Variants in ARHGAP44 observed in about 807,000 individuals in gnomAD.
ARHGAP44 encodes Rho GTPase activating protein 44.
ARHGAP44 carries 43 observed loss-of-function variants against 106.8 expected under a neutral mutation model. The ratio of observed to expected loss-of-function variants is 0.40; its 90% CI spans 0.32 to 0.52. ARHGAP44 has a LOEUF of 0.52. Among genes scored for constraint, ARHGAP44 ranks in the 20% least tolerant of loss-of-function variants. The probability of loss-of-function intolerance (pLI) is 0.48; values close to 1 mark genes in which losing one functional copy is unlikely to be tolerated. For missense variants in ARHGAP44, 866 were observed against 1,050.5 expected (o/e 0.82, Z 2.43); for synonymous variants, 439 against 410.3 (o/e 1.07, Z -0.85).
chr17:12,849,966 A>C (rs1434370183), intron 1 of ARHGAP44, among the ~76,000 whole-genome samples: 1 of 152,146 alleles, frequency 6.6e-6, no homozygotes, highest in African/African-American at 2.4e-5. Context: ...AGACCGAAAA[A>C]TAGCCCATAA....
At chr17:12,859,506 A>G (rs1417625876) in intron 1 of ARHGAP44, among the ~76,000 whole-genome samples, 1 of 152,086 alleles carries the variant, frequency 6.6e-6, no homozygotes, top group African/African-American at 2.4e-5. Flanking sequence ...ATCACTTAAG[A>G]TTTCGAGTTT....
At chr17:12,968,113 A>G (rs17551264) in intron 16 of ARHGAP44, among the ~76,000 whole-genome samples, 12,233 of 152,268 alleles carry the variant, frequency 0.08, 652 homozygotes, top group Admixed American at 0.12. Flanking sequence ...TAGTACAGGA[A>G]CCAGATTTTT....
intron 1 of ARHGAP44, among the ~76,000 whole-genome samples, chr17:12,816,907 T>C (rs147043156): frequency 1.4e-3 from 211 of 152,306 alleles, no homozygotes; most frequent in Middle Eastern, 6.8e-3. Flanking sequence ...GTAAACCAAC[T>C]GGATCTAATT....
chr17:12,790,186 C>G (rs1298128091), intron 1 of ARHGAP44: 2 of 405,336 alleles, frequency 4.9e-6, no homozygotes, highest in Non-Finnish European at 8.8e-6. Flanking sequence ...CCTGCCTTTC[C>G]CCGGGACTCC....
At chr17:12,909,026 C>G in intron 4 of ARHGAP44, 53 bp downstream of exon 4, 1 of 1,455,914 alleles carries the variant, frequency 6.9e-7, no homozygotes, top group South Asian at 1.3e-5. Context: ...AGTCCCCATC[C>G]GTGAAAAGGG....
At chr17:12,910,750 G>T (rs1307373193) in intron 4 of ARHGAP44, among the ~76,000 whole-genome samples, 1 of 151,934 alleles carries the variant, frequency 6.6e-6, no homozygotes, top group Non-Finnish European at 1.5e-5. Context: ...TTTTAACAAA[G>T]AATGATATTT....
At position 12,934,049 on chromosome 17, in the gene ARHGAP44, G is replaced by A. The variant is rs543534334; in HGVS notation, c.582+5003G>A. 7.9e-5 allele frequency among the ~76,000 whole-genome samples: 12 copies of A among 151,850 alleles called. No individual in the cohort carries two copies. The East Asian group carries it at 1.2e-3, about 15-fold the overall frequency. On this transcript the variant is annotated intron_variant, in intron 7 of 20. Transcript: ENST00000379672. ...TTTTTAGTAGAGACAGGGTTTCACCGTGTTAGCCAGGATGGTGTCGATCTC... is the reference window on the plus strand; with the variant it reads ...TTTTTAGTAGAGACAGGGTTTCACCATGTTAGCCAGGATGGTGTCGATCTC...
chr17:12,929,286 G>T, intron 7 of ARHGAP44: 1 of 375,600 alleles, frequency 2.7e-6, no homozygotes, highest in Non-Finnish European at 5.0e-6. Context: ...TGCATGCTAG[G>T]CAAAGAGGAA....
intron 20 of ARHGAP44, among the ~76,000 whole-genome samples, chr17:12,989,771 G>A (rs2040068594): frequency 6.6e-6 from 1 of 152,162 alleles, no homozygotes; most frequent in African/African-American, 2.4e-5. Flanking sequence ...GCTTGGCAGG[G>A]GAGTGCTGTT....
intron 1 of ARHGAP44, among the ~76,000 whole-genome samples, chr17:12,851,902 T>A (rs1051321555): frequency 6.6e-6 from 1 of 151,840 alleles, no homozygotes; most frequent in African/African-American, 2.4e-5. Flanking sequence ...ATATAATCGT[T>A]TGGTGGAATG....
intron 17 of ARHGAP44, chr17:12,973,610 G>T (rs1417854598): frequency 1.7e-5 from 9 of 528,362 alleles, no homozygotes; most frequent in African/African-American, 9.7e-5. Flanking sequence ...CAAAAAGAAG[G>T]ATTCATATTT....
chr17:12,841,594 T>TCTCTCTCTCTCTCTCTCTCACACA (rs1417307080), intron 1 of ARHGAP44, among the ~76,000 whole-genome samples: 1 of 126,516 alleles, frequency 7.9e-6, no homozygotes, highest in African/African-American at 3.5e-5. Flanking sequence ...TGTCTCTCTC[T>TCTCTCTCTCTCTCTCTCTCACACA]CACACACACA....
chr17:12,866,756 C>T (rs2036249696), intron 1 of ARHGAP44, among the ~76,000 whole-genome samples: 1 of 152,070 alleles, frequency 6.6e-6, no homozygotes, highest in African/African-American at 2.4e-5. Context: ...TTTTAGTCTT[C>T]TAGGAGCTGT....
At chr17:12,990,003 C>A in intron 20 of ARHGAP44, 29 bp from the exon 21 acceptor site, 1 of 1,591,200 alleles carries the variant, frequency 6.3e-7, no homozygotes, top group South Asian at 1.1e-5. Context: ...AGCCTCCTTT[C>A]AACCACCTCT....
intron 7 of ARHGAP44, among the ~76,000 whole-genome samples, chr17:12,932,889 C>G (rs1335771523): frequency 6.6e-6 from 1 of 152,126 alleles, no homozygotes; most frequent in Non-Finnish European, 1.5e-5. Flanking sequence ...CTAATGATTT[C>G]ATAGCAAATA....
intron 1 of ARHGAP44, among the ~76,000 whole-genome samples, chr17:12,832,760 G>T (rs1192005790): frequency 6.6e-6 from 1 of 152,186 alleles, no homozygotes; most frequent in Non-Finnish European, 1.5e-5. Flanking sequence ...TGCAAAGTCA[G>T]TTTCAAAAGG....
intron 1 of ARHGAP44, among the ~76,000 whole-genome samples, chr17:12,865,975 A>G (rs2150873875): frequency 6.6e-6 from 1 of 152,280 alleles, no homozygotes; most frequent in Admixed American, 6.5e-5. Context: ...TTACTTAATG[A>G]CAAAGACAAA....
chr17:12,815,129 A>G (rs1253966983), intron 1 of ARHGAP44, among the ~76,000 whole-genome samples: 1 of 147,582 alleles, frequency 6.8e-6, no homozygotes, highest in Non-Finnish European at 1.5e-5. Flanking sequence ...TGTTCTTTTG[A>G]TTTTTTTTTT....
Position 12,958,720 on chromosome 17 carries a change from T to G in ARHGAP44, c.1346T>G (p.Ile449Arg), listed in dbSNP as rs964475684. 1 of 1,613,826 alleles carries G rather than the reference T, an allele frequency of 6.2e-7. No individual in the cohort carries two copies. The highest frequency in any genetic ancestry group is 1.7e-5 in the Admixed American group (1 of 60,010). The change falls in exon 16 of 21, where the codon ATA becomes AGA. Residue 449 changes from isoleucine to arginine, a missense_variant. Physicochemically the swap from Ile to Arg is moderately conservative, Grantham distance 97 (BLOSUM62 -3). Transcript: ENST00000379672. The surrounding 1 kb of genome is among the most constrained non-coding windows in gnomAD (Gnocchi z 4.1). ...ACCAATTCTTTCTTCCCCGCAGAGA[T>G]AGAGTTCAACATTACTGGCAATTAT... ...QHADWFFPGE[I>R]EFNITGNYGS...
Sources: allele counts gnomAD v4.1 joint callset (sites outside exome capture counted in the v4.1 genomes callset), GRCh38; gene constraint gnomAD v4.1.1; non-coding constraint Gnocchi (gnomAD v3.1); transcripts MANE v1.5; gene names NCBI Gene and HGNC (gene_info 2026-07-23, HGNC 2026-07-21).